COL4A5: variants seen among roughly 807,000 people sequenced by gnomAD.
COL4A5 encodes the protein collagen alpha-5(IV) chain.
In COL4A5, 26 loss-of-function variants were observed where a neutral mutation model predicts 130.2. That is an observed-to-expected ratio of 0.20 (90% CI 0.15 to 0.28). The LOEUF (loss-of-function observed/expected upper bound fraction) is 0.28. Ranked by LOEUF, COL4A5 falls within the 10% of genes least tolerant of loss-of-function variation. The pLI is 1.00. For missense variants in COL4A5, 1,131 were observed against 1,344.3 expected (o/e 0.84, Z 2.48); for synonymous variants, 496 against 439.6 (o/e 1.13, Z -1.60).
At chrX:108,629,839 T>A (rs1366936503) in intron 36 of COL4A5, among the ~76,000 whole-genome samples, 1 of 108,995 alleles carries the variant, frequency 9.2e-6, no homozygotes, top group Non-Finnish European at 1.9e-5. Context: ...ACAGGGTGTG[T>A]GATGTCCCCC....
At chrX:108,578,993 T>G (rs1039452597) in intron 13 of COL4A5, among the ~76,000 whole-genome samples, 8 of 111,944 alleles carry the variant, frequency 7.1e-5, no homozygotes, top group Admixed American at 1.9e-4. Context: ...CATTAAATTT[T>G]CAAAATAACT....
chrX:108,442,347 G>A (rs1451617018), intron 1 of COL4A5, among the ~76,000 whole-genome samples: 2 of 111,744 alleles, frequency 1.8e-5, no homozygotes, highest in Non-Finnish European at 3.8e-5. Flanking sequence ...CAAATATGTG[G>A]AAGATCTTTT....
At chrX:108,579,934 A>T (rs1468607577) in intron 13 of COL4A5, among the ~76,000 whole-genome samples, 1 of 111,844 alleles carries the variant, frequency 8.9e-6, no homozygotes, top group African/African-American at 3.2e-5. Flanking sequence ...TTGTATATAG[A>T]CAAAAAATTA....
intron 44 of COL4A5, among the ~76,000 whole-genome samples, chrX:108,678,992 C>CT (rs1316089549): frequency 2.7e-5 from 3 of 111,303 alleles, no homozygotes; most frequent in Non-Finnish European, 5.7e-5. Flanking sequence ...TAGAATATTC[C>CT]TTTTTTGCCT....
At chrX:108,544,850 G>A (rs1235418929) in intron 2 of COL4A5, among the ~76,000 whole-genome samples, 1 of 111,710 alleles carries the variant, frequency 9.0e-6, no homozygotes, top group East Asian at 2.8e-4. Flanking sequence ...GAGTGTATGT[G>A]TTGAGGAGTT....
At chrX:108,448,858 C>T (rs1300873832) in intron 1 of COL4A5, among the ~76,000 whole-genome samples, 1 of 111,672 alleles carries the variant, frequency 9.0e-6, no homozygotes, top group Non-Finnish European at 1.9e-5. Context: ...TTCTGTACTG[C>T]CATACTCTGC....
At chrX:108,666,655 C>T in intron 39 of COL4A5, 61 bp downstream of exon 39, 1 of 909,138 alleles carries the variant, frequency 1.1e-6, no homozygotes, top group Non-Finnish European at 1.6e-6. Context: ...TTTAACTTGC[C>T]TTTTTATTAC....
intron 41 of COL4A5, 98 bp downstream of exon 41, chrX:108,668,602 G>T: frequency 3.0e-6 from 2 of 657,473 alleles, no homozygotes; most frequent in Non-Finnish European, 2.1e-6. Context: ...GAATTTTTCC[G>T]GTGCATTGGA....
At chrX:108,625,433 T>C (rs1203030528) in intron 34 of COL4A5, among the ~76,000 whole-genome samples, 1 of 112,294 alleles carries the variant, frequency 8.9e-6, no homozygotes, top group African/African-American at 3.2e-5. Context: ...CTTCAGGTGA[T>C]TGGAATTGTT....
In COL4A5 at chrX:108,687,655, T is replaced by C; in HGVS notation, c.4489T>C (p.Tyr1497His). Residue 1497 changes from tyrosine (Y) to histidine (H), a missense_variant, in exon 49 of 53, where the codon TAT becomes CAT. Tyr to His is a moderately conservative substitution (Grantham distance 83). Coordinates refer to ENST00000328300, the MANE Select transcript of COL4A5 (RefSeq NM_033380.3). Reference protein sequence around the residue: ...LQVYEGFSLLYVQGNKRAHGQ... With the variant: ...LQVYEGFSLLHVQGNKRAHGQ... ...GGTCTATGAAGGCTTTTCTCTCCTG[T>C]ATGTACAAGGAAATAAAAGAGCCCA... 1.2e-5 allele frequency: 15 copies of C among 1,211,010 alleles called. No individual in the cohort carries two copies. The highest frequency in any genetic ancestry group is 1.7e-5 in the Non-Finnish European group (15 of 895,036).
intron 3 of COL4A5, among the ~76,000 whole-genome samples, chrX:108,563,221 T>G (rs1019409055): frequency 9.0e-6 from 1 of 111,593 alleles, no homozygotes; most frequent in Admixed American, 9.6e-5. Context: ...TTAATTCTAT[T>G]TTTTTAAAGA....
At chrX:108,446,215 C>T (rs922543702) in intron 1 of COL4A5, among the ~76,000 whole-genome samples, 2 of 111,765 alleles carry the variant, frequency 1.8e-5, no homozygotes, top group Non-Finnish European at 3.8e-5. Flanking sequence ...AGTTTTATTT[C>T]TTACTGTTTG....
intron 37 of COL4A5, among the ~76,000 whole-genome samples, chrX:108,664,292 A>G (rs1400106714): frequency 8.9e-6 from 1 of 112,670 alleles, no homozygotes; most frequent in Non-Finnish European, 1.9e-5. Flanking sequence ...CTTTTGATAA[A>G]GGTATCAAAT....
intron 37 of COL4A5, among the ~76,000 whole-genome samples, chrX:108,658,815 G>T (rs1177521516): frequency 9.0e-6 from 1 of 110,880 alleles, no homozygotes; most frequent in Non-Finnish European, 1.9e-5. Context: ...AGCCTCTGAG[G>T]CATTCATTAA....
intron 9 of COL4A5, among the ~76,000 whole-genome samples, chrX:108,574,927 A>G (rs1603281067): frequency 9.0e-6 from 1 of 110,884 alleles, no homozygotes; most frequent in East Asian, 2.8e-4. Context: ...AGCTGGGACC[A>G]TAGGTGCACA....
chrX:108,518,824 T>C (rs954757039), intron 1 of COL4A5, among the ~76,000 whole-genome samples: 3 of 111,218 alleles, frequency 2.7e-5, no homozygotes, highest in African/African-American at 9.8e-5. Context: ...TCCAACTGAT[T>C]AACGTGTTCA....
chrX:108,694,711 C>T (rs1379365148), intron 50 of COL4A5, 96 bp from the exon 51 acceptor site: 8 of 638,529 alleles, frequency 1.3e-5, no homozygotes, highest in South Asian at 9.0e-5. Context: ...AGACATTAAT[C>T]GGCTTCCATA....
At chrX:108,528,815 G>A (rs1273347924) in intron 1 of COL4A5, among the ~76,000 whole-genome samples, 1 of 112,206 alleles carries the variant, frequency 8.9e-6, no homozygotes, top group Admixed American at 9.4e-5. Flanking sequence ...TGTCATTTGG[G>A]ACAACATAAA....
At chrX:108,635,675 C>G (rs2067338853) in intron 36 of COL4A5, among the ~76,000 whole-genome samples, 1 of 111,986 alleles carries the variant, frequency 8.9e-6, no homozygotes, top group Non-Finnish European at 1.9e-5. Flanking sequence ...CTTACTACAA[C>G]TATGATACCA....
Sources: gnomAD v4.1 joint callset for allele counts (sites outside exome capture counted in the v4.1 genomes callset) on GRCh38, gnomAD v4.1.1 for gene constraint, MANE v1.5 for transcripts, NCBI Gene and HGNC (gene_info 2026-07-23, HGNC 2026-07-21) for gene names.